The following CACUL1 variants were observed in gnomAD, a reference collection of about 807,000 sequenced individuals.
CACUL1 encodes CDK2 associated cullin domain 1.
A neutral mutation model predicts 45.2 loss-of-function variants in CACUL1; 13 were observed. The ratio of observed to expected loss-of-function variants is 0.29; its 90% confidence interval spans 0.19 to 0.46. The LOEUF is 0.46. Among genes scored for constraint, CACUL1 ranks in the 20% least tolerant of loss-of-function variants. The pLI is 1.00. For missense variants in CACUL1, 421 were observed against 471.4 expected (o/e 0.89, Z 0.99); for synonymous variants, 197 against 174.2 (o/e 1.13, Z -1.03).
rs1224681235 is a variant in CACUL1, at chr10:118,685,760, CA to C, written c.*367del. On this transcript the variant is annotated 3_prime_UTR_variant, in exon 9 of 9. Coordinates refer to ENST00000369151, the MANE Select transcript of CACUL1 (RefSeq NM_153810.5). ...CCAAAATGCCAAGTCCACAAATGAA[CA>C]AAACAAGTGCTTAAAAAAAAAATTC... 5.9e-6 allele frequency: 1 copy of C among 169,588 alleles called. No homozygotes were observed. Among genetic ancestry groups the C allele is most frequent in the Non-Finnish European group, 1.3e-5 (1 of 79,310 alleles). The allele number at this position is 169,588 out of a possible 1,614,324, so 10.5% of individuals were successfully genotyped here.
chr10:118,703,314 TAA>T (rs768548269), intron 4 of CACUL1, among the ~76,000 whole-genome samples: 4 of 144,166 alleles, frequency 2.8e-5, no homozygotes. Context: ...TTTTTCCCCC[TAA>T]AAAAAAAAAA....
At chr10:118,698,813 T>C (rs1023287313) in intron 5 of CACUL1, among the ~76,000 whole-genome samples, 1 of 152,202 alleles carries the variant, frequency 6.6e-6, no homozygotes, top group Non-Finnish European at 1.5e-5. Context: ...TGATTTGTTA[T>C]ACACCGATAA....
chr10:118,726,779 G>A (rs930111335), intron 3 of CACUL1, among the ~76,000 whole-genome samples: 1 of 151,996 alleles, frequency 6.6e-6, no homozygotes, highest in Non-Finnish European at 1.5e-5. Context: ...GTGAAGCAAC[G>A]AGATAGTCTA....
chr10:118,677,876 C>T lies in CACUL1; in HGVS notation c.*8252G>A, dbSNP rs187295402. 16 of 152,284 alleles carry T rather than the reference C, an allele frequency of 1.1e-4. No homozygotes were observed. The allele number at this position is 152,284 out of a possible 1,614,324, so 9.4% of individuals were successfully genotyped here. A position where few individuals can be genotyped will look rare whatever the true frequency, so the allele number is the denominator to read the frequency against. On this transcript the variant is annotated 3_prime_UTR_variant, in exon 9 of 9. Coordinates refer to ENST00000369151, the MANE Select transcript of CACUL1 (RefSeq NM_153810.5). The stretch of plus-strand genomic sequence containing the variant: ...AGTTTTTCTAAGTATAAATAGTGGG[C>T]TATTAAGAGGTGCCTATGCTCAATT...
Position 118,746,979 on chromosome 10 carries a change from G to A in CACUL1, c.367+7417C>T, listed in dbSNP as rs571522237. On this transcript the variant is annotated intron_variant, in intron 1 of 8. Coordinates refer to ENST00000369151, the MANE Select transcript of CACUL1 (RefSeq NM_153810.5). ...CACATCAGGAGGTGAGCTGTGGGCC[G>A]GCGAGCATTACCACCTGAGCCCCAC... Among the ~76,000 whole-genome samples, 8 of 152,296 alleles carry A rather than the reference G, an allele frequency of 5.3e-5. No individual in the cohort carries two copies. In the East Asian group the frequency reaches 7.7e-4, roughly 15 times the overall value.
At chr10:118,719,751 C>T (rs147967301) in intron 3 of CACUL1, among the ~76,000 whole-genome samples, 12 of 151,544 alleles carry the variant, frequency 7.9e-5, no homozygotes, top group East Asian at 1.9e-4. Flanking sequence ...GCGGAGGTTG[C>T]GGTGAGCCGA....
intron 3 of CACUL1, among the ~76,000 whole-genome samples, chr10:118,717,662 C>CAT (rs1190864919): frequency 6.6e-6 from 1 of 152,122 alleles, no homozygotes; most frequent in African/African-American, 2.4e-5. Context: ...TGATGGTAGT[C>CAT]ATAAAAGCAG....
At chr10:118,705,831 C>T (rs550268352) in intron 4 of CACUL1, among the ~76,000 whole-genome samples, 1 of 152,166 alleles carries the variant, frequency 6.6e-6, no homozygotes, top group Non-Finnish European at 1.5e-5. Flanking sequence ...TATACTTTTC[C>T]AACAAAACAG....
At chr10:118,744,263 G>A (rs1423508886) in intron 1 of CACUL1, among the ~76,000 whole-genome samples, 2 of 152,154 alleles carry the variant, frequency 1.3e-5, no homozygotes, top group African/African-American at 4.8e-5. Context: ...GCGCATGCTT[G>A]TAGTCCCAGC....
chr10:118,730,442 C>A, intron 1 of CACUL1, 32 bp from the exon 2 acceptor site: 1 of 1,566,342 alleles, frequency 6.4e-7, no homozygotes, highest in South Asian at 1.1e-5. Flanking sequence ...AATATTACTA[C>A]GTGCCACATG....
chr10:118,722,867 C>T (rs1251944447), intron 3 of CACUL1, among the ~76,000 whole-genome samples: 1 of 152,230 alleles, frequency 6.6e-6, no homozygotes, highest in East Asian at 1.9e-4. Context: ...GCCATGGCAA[C>T]ACCCAGAAGT....
chr10:118,697,785 A>G (rs1845337020), intron 5 of CACUL1, among the ~76,000 whole-genome samples: 2 of 152,066 alleles, frequency 1.3e-5, no homozygotes, highest in African/African-American at 4.8e-5. Context: ...AACACACTAT[A>G]TTTTCCCAGG....
chr10:118,701,573 T>G (rs185977918), intron 4 of CACUL1, among the ~76,000 whole-genome samples, 165 bp from the exon 5 acceptor site: 1 of 151,958 alleles, frequency 6.6e-6, no homozygotes, highest in African/African-American at 2.4e-5. Context: ...GTTACTTGTC[T>G]TTCTGGCACG....
intron 6 of CACUL1, among the ~76,000 whole-genome samples, chr10:118,692,048 G>GATT (rs1845276724): frequency 1.3e-5 from 2 of 151,786 alleles, no homozygotes; most frequent in Non-Finnish European, 1.5e-5. Context: ...GAGTGGGAGG[G>GATT]GACTTGGTGT....
Position 118,677,438 on chromosome 10 carries a change from A to G in CACUL1, c.*8690T>C, listed in dbSNP as rs1845109165. The G allele has an allele frequency of 6.6e-6, 1 of 152,218 alleles. No homozygotes were observed. The highest frequency in any genetic ancestry group is 2.4e-5 in the African/African-American group (1 of 41,456). 9.4% of individuals were successfully genotyped at this position (152,218 alleles called of 1,614,324 possible). A position where few individuals can be genotyped will look rare whatever the true frequency, so the allele number is the denominator to read the frequency against. On this transcript the variant is annotated 3_prime_UTR_variant, in exon 9 of 9. Coordinates refer to ENST00000369151, the MANE Select transcript of CACUL1 (RefSeq NM_153810.5). ...CATGTTTAGAATGGTCCAAACGTTC[A>G]TATTATGAAGTGCTTCCAAGTCCCC...
In CACUL1 at chr10:118,691,861, C is replaced by T. The variant is rs1311578501; in HGVS notation, c.887-458G>A. ...CAGCCTGGGCGACAGAGCGAGACTC[C>T]GTCTCAAAAAAAAAAAAAAAAAAAA... On this transcript the variant is annotated intron_variant, in intron 6 of 8. Coordinates refer to ENST00000369151, the MANE Select transcript of CACUL1 (RefSeq NM_153810.5). Among the ~76,000 whole-genome samples, 75 of 88,690 alleles carry T rather than the reference C, an allele frequency of 8.5e-4. 1 individual carries two copies. Among genetic ancestry groups the T allele is most frequent in the African/African-American group, 3.4e-3 (64 of 18,756 alleles). The allele number at this position is 88,690 out of a possible 152,430, so 58.2% of individuals were successfully genotyped here. A position where few individuals can be genotyped will look rare whatever the true frequency, so the allele number is the denominator to read the frequency against.
At chr10:118,711,474 G>A (rs569589158) in intron 3 of CACUL1, among the ~76,000 whole-genome samples, 1 of 152,288 alleles carries the variant, frequency 6.6e-6, no homozygotes, top group South Asian at 2.1e-4. Context: ...CTAATGAACG[G>A]AATCATACGT....
chr10:118,730,163 T>C (rs1845684944), intron 2 of CACUL1, 121 bp downstream of exon 2: 3 of 1,113,624 alleles, frequency 2.7e-6, no homozygotes, highest in East Asian at 2.4e-5. Context: ...GTGGAATACA[T>C]AAAACACTTA....
At chr10:118,740,002 C>G (rs1274062809) in intron 1 of CACUL1, among the ~76,000 whole-genome samples, 2 of 151,870 alleles carry the variant, frequency 1.3e-5, no homozygotes, top group Non-Finnish European at 2.9e-5. Flanking sequence ...AAAAAATTAG[C>G]TGGGTGTGGT....
Sources: gnomAD v4.1 joint callset for allele counts (sites outside exome capture counted in the v4.1 genomes callset) on GRCh38, gnomAD v4.1.1 for gene constraint, MANE v1.5 for transcripts, NCBI Gene and HGNC (gene_info 2026-07-23, HGNC 2026-07-21) for gene names.